The following STMN3 variants were observed in gnomAD, a reference collection of about 807,000 sequenced individuals.
STMN3 encodes the protein stathmin-3.
Under a neutral mutation model 23.2 loss-of-function variants are expected in STMN3, and 24 were observed. That is an observed-to-expected ratio of 1.03 (90% CI 0.75 to 1.45). The LOEUF is 1.45. Ranked by LOEUF, STMN3 falls within the 40% of genes most tolerant of loss-of-function variation. STMN3 has a pLI of 0.00. For synonymous variants in STMN3, 117 were observed against 103.4 expected (o/e 1.13, Z -0.80); for missense variants, 235 against 237.6 (o/e 0.99, Z 0.07).
chr20:63,647,491 G>T (rs1164747997), intron 1 of STMN3, among the ~76,000 whole-genome samples: 1 of 149,768 alleles, frequency 6.7e-6, no homozygotes, highest in African/African-American at 2.5e-5. Flanking sequence ...TGGCGGGCAC[G>T]TGTAGTCCCA....
intron 1 of STMN3, among the ~76,000 whole-genome samples, chr20:63,645,542 CAG>C (rs2089802431): frequency 6.6e-6 from 1 of 152,230 alleles, no homozygotes; most frequent in Non-Finnish European, 1.5e-5. Context: ...TGTGCCCTGT[CAG>C]GGGAAGAGGA....
chr20:63,645,143 C>T lies in STMN3; in HGVS notation c.20-834G>A, dbSNP rs1026447570. Among the ~76,000 whole-genome samples the T allele has an allele frequency of 3.9e-5, 6 of 152,286 alleles. No homozygotes were observed. In the East Asian group the frequency reaches 9.6e-4, roughly 24 times the overall value. The stretch of plus-strand genomic sequence containing the variant: ...TTCTGACTCTTACCTCCCTCTGTCC[C>T]GCTACTTCTCTCTCCCCTCCTCCTC... On this transcript the variant is annotated intron_variant, in intron 1 of 4. Coordinates refer to ENST00000370053, the MANE Select transcript of STMN3 (RefSeq NM_015894.4).
In STMN3 at chr20:63,641,365, C is replaced by T. The variant is rs2089760483; in HGVS notation, c.516G>A (p.Lys172=). 6.4e-7 allele frequency: 1 copy of T among 1,570,732 alleles called. No individual in the cohort carries two copies. Among genetic ancestry groups the T allele is most frequent in the African/African-American group, 1.4e-5 (1 of 74,070 alleles). The stretch of plus-strand genomic sequence containing the variant: ...AGCCCGACATCTCTTCTCGCTGCTC[C>T]TTGTTCCTGCGCACCTCGGCCGCGT... ...ELHAAEVRRN[K]EQREEMSG Residue 172 remains lysine (K), a synonymous_variant, in exon 5 of 5, where the codon AAG becomes AAA. Coordinates refer to ENST00000370053, the MANE Select transcript of STMN3 (RefSeq NM_015894.4).
rs1466245275 is a variant in STMN3, at chr20:63,647,870, A to G, written c.20-3561T>C. Among the ~76,000 whole-genome samples, 5 of 123,534 alleles carry G rather than the reference A, an allele frequency of 4.0e-5. No homozygotes were observed. The Admixed American group carries it at 4.3e-4, about 11-fold the overall frequency. 81.0% of individuals were successfully genotyped at this position (123,534 alleles called of 152,430 possible). On this transcript the variant is annotated intron_variant, in intron 1 of 4. Transcript: ENST00000370053. The stretch of plus-strand genomic sequence containing the variant: ...TATTAATATATATACGTATATATAC[A>G]CGTGTATATATTAATATATATACGT...
chr20:63,644,035 G>A (rs1218549705), intron 2 of STMN3, 104 bp from the exon 3 acceptor site: 9 of 1,484,050 alleles, frequency 6.1e-6, no homozygotes, highest in Middle Eastern at 2.2e-4. Context: ...CTGGGCGAGA[G>A]GGGGTGGCTG....
intron 1 of STMN3, among the ~76,000 whole-genome samples, chr20:63,645,834 T>G (rs528356127): frequency 3.1e-4 from 47 of 152,204 alleles, no homozygotes; most frequent in Admixed American, 5.2e-4. Flanking sequence ...GCACCTGTAA[T>G]CCTAGCTACT....
In STMN3 at chr20:63,653,341, G is replaced by A; in HGVS notation, c.5C>T (p.Ala2Val). 1 of 1,548,222 alleles carries A rather than the reference G, an allele frequency of 6.5e-7. No homozygotes were observed. The highest frequency in any genetic ancestry group is 8.7e-7 in the Non-Finnish European group (1 of 1,146,682). ...CCGGAGCCTACCGGAAATGGTGCTGGCCATGGTGCTGGCGGCGGTTGGGCC... is the reference window on the plus strand; with the variant it reads ...CCGGAGCCTACCGGAAATGGTGCTGACCATGGTGCTGGCGGCGGTTGGGCC... Reference protein sequence around the residue: MASTISAYKEKM... With the variant: MVSTISAYKEKM... Residue 2 changes from alanine (A) to valine (V), a missense_variant, in exon 1 of 5, where the codon GCC becomes GTC. Physicochemically the swap from Ala to Val is moderately conservative, Grantham distance 64. Transcript: ENST00000370053.
chr20:63,653,319 G>C lies in STMN3; in HGVS notation c.19+8C>G. ...CCGCCCCACAAAGCCCGTGGCCCCG[G>C]AGCCTACCGGAAATGGTGCTGGCCA... On this transcript the variant is annotated splice_region_variant and intron_variant, in intron 1 of 4. Coordinates refer to ENST00000370053, the MANE Select transcript of STMN3 (RefSeq NM_015894.4). 1.3e-6 allele frequency: 2 copies of C among 1,547,118 alleles called. No homozygotes were observed. Among genetic ancestry groups the C allele is most frequent in the Non-Finnish European group, 1.7e-6 (2 of 1,145,854 alleles).
chr20:63,653,125 C>A lies in STMN3; in HGVS notation c.19+202G>T, dbSNP rs978376144. 1.0e-3 allele frequency among the ~76,000 whole-genome samples: 156 copies of A among 151,464 alleles called. 2 individuals carry two copies. Among genetic ancestry groups the A allele is most frequent in the Non-Finnish European group, 5.5e-4 (37 of 67,776 alleles). ...CGTCCCGGTCCCGAGCGCTCCCCGG[C>A]GCGGCGCCTCGCAGCCCAGCGCCCC... On this transcript the variant is annotated intron_variant, in intron 1 of 4. Coordinates refer to ENST00000370053, the MANE Select transcript of STMN3 (RefSeq NM_015894.4).
intron 1 of STMN3, among the ~76,000 whole-genome samples, chr20:63,648,786 A>T (rs557205685): frequency 1.3e-5 from 2 of 152,238 alleles, no homozygotes; most frequent in African/African-American, 4.8e-5. Context: ...AAATGTGATT[A>T]ACAGCTGCTC....
At position 63,652,489 on chromosome 20, in the gene STMN3, G is replaced by T; in HGVS notation, c.19+838C>A. 1.1e-6 allele frequency: 1 copy of T among 869,634 alleles called. No individual in the cohort carries two copies. Among genetic ancestry groups the T allele is most frequent in the Non-Finnish European group, 1.4e-6 (1 of 724,146 alleles). 53.9% of individuals were successfully genotyped at this position (869,634 alleles called of 1,614,324 possible). A position where few individuals can be genotyped will look rare whatever the true frequency, so the allele number is the denominator to read the frequency against. The stretch of plus-strand genomic sequence containing the variant: ...TCGCCCGGCAGCTCCCCTGCGTCCA[G>T]AATCCGCCCCCCGCCCGGGCCTGCG... On this transcript the variant is annotated intron_variant, in intron 1 of 4. Transcript: ENST00000370053. This position sits in a 1 kb window ranked among gnomAD's most constrained non-coding sequence, Gnocchi z 5.3.
rs1394362606 is a variant in STMN3, at chr20:63,640,393, G to A, written c.*945C>T. The A allele has an allele frequency of 6.6e-6, 1 of 152,334 alleles. No homozygotes were observed. Among genetic ancestry groups the A allele is most frequent in the Non-Finnish European group, 1.5e-5 (1 of 67,986 alleles). The allele number at this position is 152,334 out of a possible 1,614,324, so 9.4% of individuals were successfully genotyped here. A position where few individuals can be genotyped will look rare whatever the true frequency, so the allele number is the denominator to read the frequency against. ...GGCTGGCTTGGGAACCTTACCCGCT[G>A]CCCTTCCAACACCTGGATCTGTGGG... On this transcript the variant is annotated 3_prime_UTR_variant, in exon 5 of 5. Transcript: ENST00000370053.
intron 1 of STMN3, among the ~76,000 whole-genome samples, chr20:63,644,843 C>T (rs1422854677): frequency 6.6e-6 from 1 of 152,196 alleles, no homozygotes; most frequent in Non-Finnish European, 1.5e-5. Flanking sequence ...GGAGGCGAGA[C>T]CTCTCCAGGC....
At chr20:63,650,889 C>G (rs1283104587) in intron 1 of STMN3, among the ~76,000 whole-genome samples, 1 of 150,696 alleles carries the variant, frequency 6.6e-6, no homozygotes, top group Admixed American at 6.6e-5. Flanking sequence ...TCCCGCCCAC[C>G]CGGGTGGATG....
At chr20:63,645,182 G>A (rs2089800527) in intron 1 of STMN3, among the ~76,000 whole-genome samples, 1 of 151,824 alleles carries the variant, frequency 6.6e-6, no homozygotes, top group East Asian at 1.9e-4. Context: ...CCCACTCCTC[G>A]CCAGCTCAAG....
In STMN3 at chr20:63,652,473, A is replaced by G. The variant is rs1760607364; in HGVS notation, c.19+854T>C. The G allele has an allele frequency of 1.3e-6, 1 of 742,258 alleles. No individual in the cohort carries two copies. Among genetic ancestry groups the G allele is most frequent in the Non-Finnish European group, 1.6e-6 (1 of 607,592 alleles). 46.0% of individuals were successfully genotyped at this position (742,258 alleles called of 1,614,324 possible). On this transcript the variant is annotated intron_variant, in intron 1 of 4. Coordinates refer to ENST00000370053, the MANE Select transcript of STMN3 (RefSeq NM_015894.4). The surrounding 1 kb of genome is among the most constrained non-coding windows in gnomAD (Gnocchi z 5.3). The stretch of plus-strand genomic sequence containing the variant: ...GTCCTCGCGCCCGAGGTCGCCCGGC[A>G]GCTCCCCTGCGTCCAGAATCCGCCC...
rs761034573 is a variant in STMN3 at position 63,643,823 on chromosome 20, G to C, written c.224C>G (p.Pro75Arg). 6.4e-7 allele frequency: 1 copy of C among 1,562,776 alleles called. No homozygotes were observed. Among genetic ancestry groups the C allele is most frequent in the South Asian group, 1.2e-5 (1 of 82,510 alleles). Residue 75 changes from proline (P) to arginine (R), a missense_variant, in exon 3 of 5, where the codon CCC becomes CGC. Transcript: ENST00000370053. ...SPESPMLSSP[P>R]KKKDTSLEEL... ...CTCCAGGGAGGTGTCCTTCTTCTTGGGTGGGGAGGAGAGCATAGGGCTCTC... is the reference window on the plus strand; with the variant it reads ...CTCCAGGGAGGTGTCCTTCTTCTTGCGTGGGGAGGAGAGCATAGGGCTCTC...
rs1219450033 is a variant in STMN3 at position 63,640,069 on chromosome 20, G to A, written c.*1269C>T. Reference sequence around the variant, plus strand: ...CAGTGCCCGGCCAAGGCCTCCCGCAGGATGGAAGTTGAGGGCCCTGGCTCT... The same window carrying A: ...CAGTGCCCGGCCAAGGCCTCCCGCAAGATGGAAGTTGAGGGCCCTGGCTCT... On this transcript the variant is annotated 3_prime_UTR_variant, in exon 5 of 5. Coordinates refer to ENST00000370053, the MANE Select transcript of STMN3 (RefSeq NM_015894.4). The A allele has an allele frequency of 1.3e-5, 2 of 153,044 alleles. No individual in the cohort carries two copies. The highest frequency in any genetic ancestry group is 4.8e-5 in the African/African-American group (2 of 41,464). The allele number at this position is 153,044 out of a possible 1,614,324, so 9.5% of individuals were successfully genotyped here. A position where few individuals can be genotyped will look rare whatever the true frequency, so the allele number is the denominator to read the frequency against.
At chr20:63,648,865 G>A (rs1410772268) in intron 1 of STMN3, among the ~76,000 whole-genome samples, 1 of 152,134 alleles carries the variant, frequency 6.6e-6, no homozygotes, top group Non-Finnish European at 1.5e-5. Context: ...TACAGAGGAA[G>A]GACAAACACC....
Sources: gnomAD v4.1 joint callset for allele counts (sites outside exome capture counted in the v4.1 genomes callset) on GRCh38, gnomAD v4.1.1 for gene constraint, Gnocchi (gnomAD v3.1) non-coding constraint, MANE v1.5 for transcripts, NCBI Gene and HGNC (gene_info 2026-07-23, HGNC 2026-07-21) for gene names.